The following PDZD2 variants were observed in gnomAD, a reference collection of about 807,000 sequenced individuals.
PDZD2 encodes PDZ domain-containing protein 2.
A neutral mutation model predicts 220.7 loss-of-function variants in PDZD2; 90 were observed. That is an observed-to-expected ratio of 0.41 (90% CI 0.34 to 0.49). PDZD2 has a LOEUF of 0.49. PDZD2 is among the 20% of genes least tolerant of loss of function. PDZD2 has a pLI of 0.28. For missense variants in PDZD2, 3,174 were observed against 3,608.5 expected, an observed-to-expected ratio of 0.88 and a Z score of 3.08; for synonymous variants, 1,375 against 1,450.5, an observed-to-expected ratio of 0.95 and a Z score of 1.18.
At chr5:31,681,761 G>A (rs1040614992) in intron 1 of PDZD2, among the ~76,000 whole-genome samples, 7 of 152,184 alleles carry the variant, frequency 4.6e-5, no homozygotes, top group Non-Finnish European at 7.3e-5. Flanking sequence ...AGAGTTTGAA[G>A]ATACTGACAA....
At chr5:31,805,957 T>A (rs144041019) in intron 2 of PDZD2, among the ~76,000 whole-genome samples, 3 of 152,308 alleles carry the variant, frequency 2.0e-5, no homozygotes, top group Non-Finnish European at 4.4e-5. Context: ...AACCCTTTCC[T>A]AGCCTCTCCA....
At chr5:31,693,826 C>T (rs571638905) in intron 1 of PDZD2, among the ~76,000 whole-genome samples, 18 of 152,256 alleles carry the variant, frequency 1.2e-4, no homozygotes. Flanking sequence ...GCCAGCTCTG[C>T]CCTTATGGTC....
chr5:31,938,951 A>G (rs1392917145), intron 2 of PDZD2, among the ~76,000 whole-genome samples: 2 of 152,232 alleles, frequency 1.3e-5, no homozygotes, highest in African/African-American at 4.8e-5. Flanking sequence ...TCCATTGCAG[A>G]AACACAGGAA....
rs1309114749 is a variant in PDZD2, at chr5:32,089,288, C to G, written c.5840C>G (p.Thr1947Ser). ...VADHEDPDRNTTAAPRSPQCV... is the reference protein window; with the variant it reads ...VADHEDPDRNSTAAPRSPQCV... Reference sequence around the variant, plus strand: ...GACCACGAGGACCCTGACAGAAACACCACAGCTGCCCCCAGGTCCCCCCAG... The same window carrying G: ...GACCACGAGGACCCTGACAGAAACAGCACAGCTGCCCCCAGGTCCCCCCAG... The change falls in exon 20 of 25, where the codon ACC (threonine) becomes AGC (serine). Residue 1947 changes from threonine to serine, a missense_variant. By Grantham distance (58) the Thr-to-Ser change is moderately conservative. Around this residue, in one of 4 missense-constraint regions of PDZD2, gnomAD observed 1,861 missense variants for 2,001.0 expected, o/e 0.93. Coordinates refer to ENST00000438447, the MANE Select transcript of PDZD2 (RefSeq NM_178140.4). The G allele has an allele frequency of 6.2e-7, 1 of 1,614,172 alleles. No individual in the cohort carries two copies. Among genetic ancestry groups the G allele is most frequent in the Non-Finnish European group, 8.5e-7 (1 of 1,180,010 alleles).
chr5:32,071,508 C>A, intron 16 of PDZD2, 90 bp downstream of exon 16: 3 of 967,282 alleles, frequency 3.1e-6, no homozygotes, highest in Non-Finnish European at 5.0e-6. Context: ...GGCCCAGTCC[C>A]TGTTTCTGCC....
rs138991955 is a variant in PDZD2 at position 31,961,244 on chromosome 5, A to C, written c.477-21911A>C. On this transcript the variant is annotated intron_variant, in intron 2 of 24. Coordinates refer to ENST00000438447, the MANE Select transcript of PDZD2 (RefSeq NM_178140.4). ...TCTACATTGCCTTGAAATCTGAGGC[A>C]GGGCATTTAAAATACAGCTCCTTTG... 5.6e-3 allele frequency among the ~76,000 whole-genome samples: 846 copies of C among 152,184 alleles called. 12 individuals carry two copies. Among genetic ancestry groups the C allele is most frequent in the African/African-American group, 0.019 (796 of 41,526 alleles).
intron 3 of PDZD2, among the ~76,000 whole-genome samples, chr5:31,987,431 G>T (rs1315118587): frequency 6.6e-6 from 1 of 152,182 alleles, no homozygotes; most frequent in Admixed American, 6.5e-5. Context: ...AAACTCAGAA[G>T]GAGCATCACA....
At chr5:31,852,690 G>A (rs1026736555) in intron 2 of PDZD2, among the ~76,000 whole-genome samples, 2 of 152,024 alleles carry the variant, frequency 1.3e-5, no homozygotes, top group South Asian at 2.1e-4. Flanking sequence ...TCTGCCTTCC[G>A]GGTTTAAGCA....
Position 31,860,129 on chromosome 5 carries a change from G to A in PDZD2, c.476+60405G>A, listed in dbSNP as rs561147523. 2.1e-4 allele frequency among the ~76,000 whole-genome samples: 31 copies of A among 148,784 alleles called. 1 individual carries two copies. In the South Asian group the frequency reaches 6.8e-3, roughly 33 times the overall value. On this transcript the variant is annotated intron_variant, in intron 2 of 24. Coordinates refer to ENST00000438447, the MANE Select transcript of PDZD2 (RefSeq NM_178140.4). Reference sequence around the variant, plus strand: ...GAACCAGATGAGAAGGAGACTTGAAGTCTAACTATTTGGTATGATGACTGT... The same window carrying A: ...GAACCAGATGAGAAGGAGACTTGAAATCTAACTATTTGGTATGATGACTGT...
chr5:32,002,520 T>C (rs1752216001), intron 5 of PDZD2, among the ~76,000 whole-genome samples: 2 of 151,932 alleles, frequency 1.3e-5, no homozygotes, highest in Non-Finnish European at 1.5e-5. Context: ...AACTAGTTCA[T>C]TGTTTTGCCA....
chr5:31,655,120 T>C, intron 1 of PDZD2, among the ~76,000 whole-genome samples: 1 of 152,224 alleles, frequency 6.6e-6, no homozygotes, highest in South Asian at 2.1e-4. Flanking sequence ...CATGGCTTCA[T>C]ATCCCTCTTC....
chr5:31,969,499 G>A (rs1220803184), intron 2 of PDZD2, among the ~76,000 whole-genome samples: 2 of 44,454 alleles, frequency 4.5e-5, no homozygotes, highest in Admixed American at 3.3e-4. Flanking sequence ...ACAGAGCAAG[G>A]CCCCCTCTCC....
At chr5:31,869,053 A>C (rs1738496984) in intron 2 of PDZD2, among the ~76,000 whole-genome samples, 1 of 152,160 alleles carries the variant, frequency 6.6e-6, no homozygotes, top group South Asian at 2.1e-4. Flanking sequence ...GATTACAGAC[A>C]TGAGCCACCA....
In PDZD2 at chr5:32,090,503, T is replaced by C. The variant is rs145801860; in HGVS notation, c.7055T>C (p.Val2352Ala). ...AACCTGGCCAATGCTGACCGGCCTG[T>C]AGCCAAGTCCGGGGCTTCCCCATTT... The part of the protein sequence containing the change: ...FENLANADRP[V>A]AKSGASPFLS... Residue 2352 changes from valine (V) to alanine (A), a missense_variant, in exon 20 of 25, where the codon GTA becomes GCA. Val to Ala is a moderately conservative substitution (Grantham distance 64). Around this residue, in one of 4 missense-constraint regions of PDZD2, gnomAD observed 631 missense variants for 789.9 expected, o/e 0.80. Transcript: ENST00000438447. The surrounding 1 kb of genome is among the most constrained non-coding windows in gnomAD (Gnocchi z 4.3). 40 of 1,613,936 alleles carry C rather than the reference T, an allele frequency of 2.5e-5. No individual in the cohort carries two copies. The African/African-American group carries it at 4.9e-4, about 20-fold the overall frequency.
At position 31,720,622 on chromosome 5, in the gene PDZD2, G is replaced by A. The variant is rs140510763; in HGVS notation, c.-360-78267G>A. On this transcript the variant is annotated intron_variant, in intron 1 of 24. Transcript: ENST00000438447. Reference sequence around the variant, plus strand: ...CATTTTCATGCTTAGGTTTAACAAAGTTTGGACCGCCATGAAGAAATATGA... The same window carrying A: ...CATTTTCATGCTTAGGTTTAACAAAATTTGGACCGCCATGAAGAAATATGA... Among the ~76,000 whole-genome samples the A allele has an allele frequency of 4.1e-3, 619 of 152,298 alleles. 2 individuals are homozygous for A. The highest frequency in any genetic ancestry group is 0.014 in the African/African-American group (598 of 41,568).
At chr5:31,815,384 T>C (rs1046145786) in intron 2 of PDZD2, among the ~76,000 whole-genome samples, 9 of 152,046 alleles carry the variant, frequency 5.9e-5, no homozygotes, top group African/African-American at 2.2e-4. Flanking sequence ...AGAATGTAGA[T>C]TTTCCCCACA....
chr5:31,970,046 G>A (rs1749158237), intron 2 of PDZD2, among the ~76,000 whole-genome samples: 1 of 151,966 alleles, frequency 6.6e-6, no homozygotes, highest in East Asian at 1.9e-4. Flanking sequence ...TTATAGGCAT[G>A]CACCACCACC....
intron 1 of PDZD2, among the ~76,000 whole-genome samples, chr5:31,703,955 CTT>C (rs1251069114): frequency 7.8e-6 from 1 of 127,868 alleles, no homozygotes; most frequent in Non-Finnish European, 1.7e-5. Flanking sequence ...CTTTCTCTCT[CTT>C]TCTCTCTCTC....
chr5:31,868,026 C>G (rs900521560), intron 2 of PDZD2, among the ~76,000 whole-genome samples: 1 of 152,138 alleles, frequency 6.6e-6, no homozygotes, highest in African/African-American at 2.4e-5. Flanking sequence ...TATCATTTTG[C>G]AGATCTGGGC....
Sources: allele counts gnomAD v4.1 joint callset (sites outside exome capture counted in the v4.1 genomes callset), GRCh38; gene constraint gnomAD v4.1.1; regional missense constraint gnomAD v4.1.1; non-coding constraint Gnocchi (gnomAD v3.1); transcripts MANE v1.5; gene names NCBI Gene and HGNC (gene_info 2026-07-23, HGNC 2026-07-21).